The following DBNDD2 variants were observed in gnomAD, a reference collection of about 807,000 sequenced individuals.
DBNDD2 encodes the protein dysbindin domain-containing protein 2.
A neutral mutation model predicts 14.0 loss-of-function variants in DBNDD2; 8 were observed. The observed-to-expected ratio is 0.57, with a 90% CI of 0.33 to 1.03. DBNDD2 has a LOEUF of 1.03. DBNDD2 is among the 50% of genes least tolerant of loss of function. The pLI is 0.03. For missense variants in DBNDD2, 194 were observed against 206.0 expected (o/e 0.94, Z 0.36); for synonymous variants, 94 against 85.3 (o/e 1.10, Z -0.56).
Position 45,410,307 on chromosome 20 carries a change from CTTTACTGCTAATTT to C in DBNDD2, c.*171_*184del. On this transcript the variant is annotated 3_prime_UTR_variant, in exon 3 of 3. Transcript: ENST00000372710. ...CTTTCTAAGAATTAACCCTCTCCTG[CTTTACTGCTAATTT>C]TTTCCTGCTGCAACCCTCCCACCAG... 1.3e-6 allele frequency: 1 copy of C among 786,442 alleles called. No homozygotes were observed. The highest frequency in any genetic ancestry group is 2.0e-6 in the Non-Finnish European group (1 of 507,200). The allele number at this position is 786,442 out of a possible 1,614,324, so 48.7% of individuals were successfully genotyped here.
chr20:45,409,838 C>A, intron 2 of DBNDD2, 94 bp from the exon 3 acceptor site: 1 of 1,309,672 alleles, frequency 7.6e-7, no homozygotes, highest in African/African-American at 1.5e-5. Context: ...CAAGTCTCTG[C>A]CCCACTGTGG....
At position 45,410,247 on chromosome 20, in the gene DBNDD2, G is replaced by A. The variant is rs1286515092; in HGVS notation, c.*107G>A. On this transcript the variant is annotated 3_prime_UTR_variant, in exon 3 of 3. Coordinates refer to ENST00000372710, the MANE Select transcript of DBNDD2 (RefSeq NM_001048225.4). Reference sequence around the variant, plus strand: ...AGACCAGACTCTTTACTTGCAGTAGGCACCAGAGGTGGGAAGGATGGTGGG... The same window carrying A: ...AGACCAGACTCTTTACTTGCAGTAGACACCAGAGGTGGGAAGGATGGTGGG... 1.7e-6 allele frequency: 2 copies of A among 1,203,756 alleles called. No individual in the cohort carries two copies. Among genetic ancestry groups the A allele is most frequent in the East Asian group, 2.6e-5 (1 of 39,118 alleles). The allele number at this position is 1,203,756 out of a possible 1,614,324, so 74.6% of individuals were successfully genotyped here. A position where few individuals can be genotyped will look rare whatever the true frequency, so the allele number is the denominator to read the frequency against.
In DBNDD2 at chr20:45,408,364, T is replaced by G; in HGVS notation, c.-104T>G. On this transcript the variant is annotated 5_prime_UTR_variant, in exon 1 of 3. Transcript: ENST00000372710. Reference sequence around the variant, plus strand: ...AGGCCGGAGCCAGGGGCCCCACTGTTGGGATGCTGGCTGCAGTGGGGCGCC... The same window carrying G: ...AGGCCGGAGCCAGGGGCCCCACTGTGGGGATGCTGGCTGCAGTGGGGCGCC... The G allele has an allele frequency of 1.2e-6, 2 of 1,612,638 alleles. No individual in the cohort carries two copies. Among genetic ancestry groups the G allele is most frequent in the South Asian group, 1.1e-5 (1 of 91,042 alleles).
chr20:45,408,426 T>G lies in DBNDD2; in HGVS notation c.-42T>G. 6.2e-7 allele frequency: 1 copy of G among 1,614,222 alleles called. No individual in the cohort carries two copies. The highest frequency in any genetic ancestry group is 1.1e-5 in the South Asian group (1 of 91,090). ...TCCCCTCTGTCTTCTCTTTCGACTT[T>G]GCAGCTGTACTTGTTTTGCTCCTCT... On this transcript the variant is annotated 5_prime_UTR_variant, in exon 1 of 3. Coordinates refer to ENST00000372710, the MANE Select transcript of DBNDD2 (RefSeq NM_001048225.4).
chr20:45,409,102 AC>A lies in DBNDD2; in HGVS notation c.277+167del, dbSNP rs140888108. The A allele has an allele frequency of 7.2e-3, 10,191 of 1,409,844 alleles. 605 individuals are homozygous for A. In the African/African-American group the frequency reaches 0.13, roughly 17 times the overall value. 87.3% of individuals were successfully genotyped at this position (1,409,844 alleles called of 1,614,324 possible). On this transcript the variant is annotated intron_variant, in intron 2 of 2. Coordinates refer to ENST00000372710, the MANE Select transcript of DBNDD2 (RefSeq NM_001048225.4). ...GCCTGTTCTGATTTTAGGGAAGTTG[AC>A]CCTGAGGGAGAACTGGGTTACACAT...
chr20:45,409,496 A>G (rs565143828), intron 2 of DBNDD2, among the ~76,000 whole-genome samples: 25 of 152,322 alleles, frequency 1.6e-4, no homozygotes, highest in African/African-American at 5.8e-4. Flanking sequence ...AACTTGTAAG[A>G]TAGATATTCT....
chr20:45,409,157 A>T, intron 2 of DBNDD2: 1 of 669,184 alleles, frequency 1.5e-6, no homozygotes, highest in Non-Finnish European at 2.4e-6. Context: ...GGAACGGTCA[A>T]TCTCTTCTTT....
chr20:45,406,371 A>G (rs1989375256), upstream of DBNDD2: 1 of 1,336,266 alleles, frequency 7.5e-7, no homozygotes, highest in African/African-American at 1.5e-5. Flanking sequence ...CAGCAAGTGC[A>G]TCCGAGCGAG....
chr20:45,408,014 GAGGA>G, upstream of DBNDD2: 1 of 1,430,372 alleles, frequency 7.0e-7, no homozygotes, highest in Non-Finnish European at 9.1e-7. Flanking sequence ...TGCAGCACTG[GAGGA>G]AGGGAACCCT....
Position 45,410,224 on chromosome 20 carries a change from AC to A in DBNDD2, c.*86del. On this transcript the variant is annotated 3_prime_UTR_variant, in exon 3 of 3. Coordinates refer to ENST00000372710, the MANE Select transcript of DBNDD2 (RefSeq NM_001048225.4). ...CCCAGCCAGAGCCTGTCGGGAGAAGACCAGACTCTTTACTTGCAGTAGGCAC... is the reference window on the plus strand; with the variant it reads ...CCCAGCCAGAGCCTGTCGGGAGAAGACAGACTCTTTACTTGCAGTAGGCAC... The A allele has an allele frequency of 6.9e-7, 1 of 1,440,068 alleles. No homozygotes were observed. Among genetic ancestry groups the A allele is most frequent in the Non-Finnish European group, 9.5e-7 (1 of 1,056,420 alleles). 89.2% of individuals were successfully genotyped at this position (1,440,068 alleles called of 1,614,324 possible).
chr20:45,407,726 T>C, upstream of DBNDD2: 3 of 997,200 alleles, frequency 3.0e-6, no homozygotes, highest in Non-Finnish European at 3.6e-6. Flanking sequence ...AAAGGAAAGA[T>C]GGTAGTCTCC....
chr20:45,408,004 T>A, upstream of DBNDD2: 4 of 1,424,624 alleles, frequency 2.8e-6, no homozygotes, highest in Non-Finnish European at 2.7e-6. Context: ...AGGGGTGGGC[T>A]GCAGCACTGG....
At chr20:45,406,201 G>A (rs1989354781), upstream of DBNDD2, 1 of 484,116 alleles carries the variant, frequency 2.1e-6, no homozygotes, top group Non-Finnish European at 3.7e-6. Flanking sequence ...CTCTGGAGAA[G>A]TGCGCGCGTG....
At chr20:45,406,134 G>C, upstream of DBNDD2, 1 of 288,044 alleles carries the variant, frequency 3.5e-6, no homozygotes, top group Non-Finnish European at 6.5e-6. Context: ...GGGCGGCACC[G>C]GGTCAGTGCC....
At chr20:45,408,029 C>G, upstream of DBNDD2, 1 of 1,435,724 alleles carries the variant, frequency 7.0e-7, no homozygotes, top group African/African-American at 1.4e-5. Flanking sequence ...AGGGAACCCT[C>G]CACCCTGAGA....
At chr20:45,409,599 G>A (rs1989722894) in intron 2 of DBNDD2, among the ~76,000 whole-genome samples, 2 of 152,202 alleles carry the variant, frequency 1.3e-5, no homozygotes, top group Admixed American at 1.3e-4. Flanking sequence ...CTTTGGGGAT[G>A]TAGGTATCCC....
At chr20:45,409,895 CCT>C in intron 2 of DBNDD2, 35 bp from the exon 3 acceptor site, 1 of 1,547,946 alleles carries the variant, frequency 6.5e-7, no homozygotes, top group Non-Finnish European at 8.7e-7. Flanking sequence ...TCTCTGAAGC[CCT>C]GTTTGTGGCC....
At chr20:45,407,834 C>T, upstream of DBNDD2, 1 of 1,093,596 alleles carries the variant, frequency 9.1e-7, no homozygotes, top group South Asian at 3.9e-5. Context: ...AAGGTGATTT[C>T]CTTAGGGGCA....
At chr20:45,406,535 C>A, upstream of DBNDD2, 1 of 1,518,472 alleles carries the variant, frequency 6.6e-7, no homozygotes, top group South Asian at 1.2e-5. Context: ...GGGCGAGCTG[C>A]GAGCGAGTGA....
Sources: gnomAD v4.1 joint callset for allele counts (sites outside exome capture counted in the v4.1 genomes callset) on GRCh38, gnomAD v4.1.1 for gene constraint, MANE v1.5 for transcripts, NCBI Gene and HGNC (gene_info 2026-07-23, HGNC 2026-07-21) for gene names.